Variants in ATP8A2 observed in about 807,000 individuals in gnomAD.
The protein encoded by ATP8A2 is phospholipid-transporting ATPase IB.
Under a neutral mutation model 165.6 loss-of-function variants are expected in ATP8A2, and 100 were observed. The observed-to-expected ratio is 0.60, with a 90% CI of 0.51 to 0.71. The LOEUF (loss-of-function observed/expected upper bound fraction) is 0.71, where lower values mean the gene tolerates loss of function less well. ATP8A2 is among the 30% of genes least tolerant of loss of function. The pLI is 0.00. For missense variants in ATP8A2, 1,227 were observed against 1,479.5 expected, an observed-to-expected ratio of 0.83 and a Z score of 2.80; for synonymous variants, 543 against 548.8, an observed-to-expected ratio of 0.99 and a Z score of 0.15.
chr13:25,922,763 A>AG (rs1307711203), intron 33 of ATP8A2, among the ~76,000 whole-genome samples: 1 of 152,168 alleles, frequency 6.6e-6, no homozygotes, highest in Non-Finnish European at 1.5e-5. Context: ...TTCCCAAAGA[A>AG]GGGGGGATCG....
chr13:25,707,389 C>T (rs1395702007), intron 25 of ATP8A2, among the ~76,000 whole-genome samples: 1 of 152,196 alleles, frequency 6.6e-6, no homozygotes, highest in African/African-American at 2.4e-5. Context: ...TGATTCCCCT[C>T]TAACTAAAAG....
chr13:25,634,648 T>C (rs1410915193), intron 24 of ATP8A2, among the ~76,000 whole-genome samples: 1 of 152,168 alleles, frequency 6.6e-6, no homozygotes, highest in African/African-American at 2.4e-5. Context: ...AATAAGTCCA[T>C]GTATCTTAGT....
intron 25 of ATP8A2, among the ~76,000 whole-genome samples, chr13:25,742,636 C>G (rs1421927076): frequency 6.6e-6 from 1 of 151,348 alleles, no homozygotes. Context: ...TAATCCCCCC[C>G]ACACACCCCA....
chr13:25,418,950 A>T (rs535916464), intron 1 of ATP8A2, among the ~76,000 whole-genome samples: 99 of 152,202 alleles, frequency 6.5e-4, no homozygotes, highest in Non-Finnish European at 1.2e-3. Context: ...ACATCCTCTA[A>T]TGAAGGGATT....
At chr13:25,485,088 G>A (rs1380063635) in intron 2 of ATP8A2, among the ~76,000 whole-genome samples, 1 of 152,206 alleles carries the variant, frequency 6.6e-6, no homozygotes, top group Non-Finnish European at 1.5e-5. Context: ...CATTCTAACA[G>A]TGATGTACCA....
chr13:25,503,412 C>T (rs1774210684), intron 2 of ATP8A2, among the ~76,000 whole-genome samples: 1 of 152,100 alleles, frequency 6.6e-6, no homozygotes, highest in Non-Finnish European at 1.5e-5. Flanking sequence ...CATGAAGCAG[C>T]GTTCATACAG....
chr13:25,738,903 A>G (rs2043845180), intron 25 of ATP8A2, among the ~76,000 whole-genome samples: 2 of 151,388 alleles, frequency 1.3e-5, no homozygotes, highest in African/African-American at 4.9e-5. Context: ...AGGTCTAAAA[A>G]TAGTGTACAT....
chr13:25,814,303 T>TA (rs1950954374), intron 27 of ATP8A2, among the ~76,000 whole-genome samples: 1 of 152,148 alleles, frequency 6.6e-6, no homozygotes, highest in Non-Finnish European at 1.5e-5. Flanking sequence ...TTTTAGATGT[T>TA]ACCTAAATGC....
intron 24 of ATP8A2, among the ~76,000 whole-genome samples, chr13:25,610,948 G>A (rs1265101488): frequency 7.2e-6 from 1 of 139,440 alleles, no homozygotes; most frequent in African/African-American, 2.7e-5. Context: ...TCTCACCTTA[G>A]TCGCTGTTGG....
chr13:25,483,499 C>A (rs906601754), intron 2 of ATP8A2, among the ~76,000 whole-genome samples: 1 of 151,818 alleles, frequency 6.6e-6, no homozygotes, highest in African/African-American at 2.4e-5. Flanking sequence ...TGGAGAGACA[C>A]CAAACTTTTG....
At chr13:25,887,560 G>A (rs530218258) in intron 33 of ATP8A2, among the ~76,000 whole-genome samples, 1 of 152,162 alleles carries the variant, frequency 6.6e-6, no homozygotes, top group Non-Finnish European at 1.5e-5. Flanking sequence ...CTGGTCTTGA[G>A]CTCCTGACTT....
intron 25 of ATP8A2, among the ~76,000 whole-genome samples, chr13:25,756,078 C>T (rs1289595344): frequency 6.6e-6 from 1 of 152,204 alleles, no homozygotes; most frequent in African/African-American, 2.4e-5. Flanking sequence ...AGGGGAAGGG[C>T]ACTCCCAGCC....
chr13:25,953,793 T>C lies in ATP8A2; in HGVS notation c.3184-7782T>C, dbSNP rs1420976041. 1.3e-5 allele frequency among the ~76,000 whole-genome samples: 2 copies of C among 152,144 alleles called. No individual in the cohort carries two copies. Among genetic ancestry groups the C allele is most frequent in the African/African-American group, 4.8e-5 (2 of 41,444 alleles). ...CTAGCCGAGGGAAGCCGTGAGGGACTGTGCTGTAAGGAACCATGCATTCCG... is the reference window on the plus strand; with the variant it reads ...CTAGCCGAGGGAAGCCGTGAGGGACCGTGCTGTAAGGAACCATGCATTCCG... On this transcript the variant is annotated intron_variant, in intron 33 of 36. Coordinates refer to ENST00000381655, the MANE Select transcript of ATP8A2 (RefSeq NM_016529.6). The surrounding 1 kb of genome is among the most constrained non-coding windows in gnomAD (Gnocchi z 6.7).
intron 1 of ATP8A2, among the ~76,000 whole-genome samples, chr13:25,461,260 G>A (rs561069683): frequency 1.3e-5 from 2 of 152,158 alleles, no homozygotes; most frequent in Admixed American, 1.3e-4. Context: ...TCTTGAAAAG[G>A]CCTTCGAAAT....
intron 24 of ATP8A2, among the ~76,000 whole-genome samples, chr13:25,669,021 C>A (rs1272809435): frequency 6.6e-6 from 1 of 151,874 alleles, no homozygotes. Context: ...TCTAGTAAGC[C>A]CAGTGTTTGA....
intron 13 of ATP8A2, among the ~76,000 whole-genome samples, chr13:25,555,295 G>GA (rs1003224408): frequency 3.5e-4 from 52 of 146,620 alleles, no homozygotes; most frequent in South Asian, 3.5e-3. Context: ...GAAGTAACCA[G>GA]AAAAAAAAAA....
intron 35 of ATP8A2, among the ~76,000 whole-genome samples, chr13:25,971,312 A>AT (rs3837559): frequency 0.23 from 34,330 of 151,396 alleles, 4,358 homozygotes; most frequent in East Asian, 0.54. Context: ...CTGCCTCACA[A>AT]TTGTTCTCTT....
chr13:25,467,890 TTGA>T (rs1292381871), intron 1 of ATP8A2, among the ~76,000 whole-genome samples: 1 of 152,182 alleles, frequency 6.6e-6, no homozygotes, highest in African/African-American at 2.4e-5. Context: ...GTCCGTTTCT[TTGA>T]TAGTTGGAAA....
At chr13:26,009,981 G>A (rs1172111922) in intron 35 of ATP8A2, among the ~76,000 whole-genome samples, 1 of 152,124 alleles carries the variant, frequency 6.6e-6, no homozygotes, top group Non-Finnish European at 1.5e-5. Flanking sequence ...CAGGAGAATC[G>A]CTTGAACCTA....
Sources: allele counts gnomAD v4.1 joint callset (sites outside exome capture counted in the v4.1 genomes callset), GRCh38; gene constraint gnomAD v4.1.1; non-coding constraint Gnocchi (gnomAD v3.1); transcripts MANE v1.5; gene names NCBI Gene and HGNC (gene_info 2026-07-23, HGNC 2026-07-21).